SLC7A14: variants seen among roughly 807,000 people sequenced by gnomAD.
SLC7A14 encodes solute carrier family 7 member 14.
In SLC7A14, 37 loss-of-function variants were observed where a neutral mutation model predicts 60.2. The observed-to-expected ratio is 0.61, with a 90% CI of 0.47 to 0.81. The LOEUF is 0.81. SLC7A14 is among the 30% of genes least tolerant of loss of function. SLC7A14 has a pLI of 0.00. For synonymous variants in SLC7A14, 399 were observed against 395.8 expected (o/e 1.01, Z -0.10); for missense variants, 886 against 982.7 (o/e 0.90, Z 1.32).
rs1182342006 is a variant in SLC7A14, at chr3:170,465,080, CAT to C, written c.*1973_*1974del. 1 of 152,138 alleles carries C rather than the reference CAT, an allele frequency of 6.6e-6. No individual in the cohort carries two copies. The highest frequency in any genetic ancestry group is 1.5e-5 in the Non-Finnish European group (1 of 68,008). The allele number at this position is 152,138 out of a possible 1,614,324, so 9.4% of individuals were successfully genotyped here. A position where few individuals can be genotyped will look rare whatever the true frequency, so the allele number is the denominator to read the frequency against. On this transcript the variant is annotated 3_prime_UTR_variant, in exon 8 of 8. Transcript: ENST00000231706. ...ATGGTTAACTCTAGGGAAGAGAAAA[CAT>C]AGCATTGTCAAGCATGATATTAAAA... is the stretch of plus-strand genomic sequence containing the variant.
chr3:170,486,497 T>A, intron 4 of SLC7A14, 129 bp from the exon 5 acceptor site: 14 of 1,191,638 alleles, frequency 1.2e-5, no homozygotes, highest in Non-Finnish European at 1.7e-5. Context: ...ATGGTGGAAC[T>A]CGTGCTAAAC....
Position 170,480,874 on chromosome 3 carries a change from C to T in SLC7A14, c.1408G>A (p.Gly470Arg), listed in dbSNP as rs1194517708. Residue 470 changes from glycine (G) to arginine (R), a missense_variant, in exon 7 of 8, where the codon GGG becomes AGG. Gly to Arg is a moderately radical substitution (Grantham distance 125, BLOSUM62 -2). Coordinates refer to ENST00000231706, the MANE Select transcript of SLC7A14 (RefSeq NM_020949.3). ...EKEACSPVSE[G>R]DEFSGPATNT... ...GTGGCTGGGCCAGAAAACTCATCCC[C>T]CTCACTCACAGGAGAACAAGCTTCC... 2 of 1,614,044 alleles carry T rather than the reference C, an allele frequency of 1.2e-6. No individual in the cohort carries two copies. The highest frequency in any genetic ancestry group is 3.3e-5 in the Admixed American group (2 of 60,006).
intron 1 of SLC7A14, among the ~76,000 whole-genome samples, chr3:170,583,151 G>A (rs561904548): frequency 6.6e-6 from 1 of 152,116 alleles, no homozygotes; most frequent in African/African-American, 2.4e-5. Context: ...CCAATTTTGG[G>A]AAAATTATTT....
In SLC7A14 at chr3:170,568,036, G is replaced by T. The variant is rs373071472; in HGVS notation, c.-153+17875C>A. Among the ~76,000 whole-genome samples the T allele has an allele frequency of 5.9e-5, 9 of 151,994 alleles. No homozygotes were observed. In the East Asian group the frequency reaches 9.6e-4, roughly 16 times the overall value. On this transcript the variant is annotated intron_variant, in intron 1 of 7. Coordinates refer to ENST00000231706, the MANE Select transcript of SLC7A14 (RefSeq NM_020949.3). ...AATTAGATCCCACTTGTCAATTTTG[G>T]CTTTTGTTGCCATTGCTTTTGGTGT...
rs55850380 is a variant in SLC7A14 at position 170,533,650 on chromosome 3, AGTGTGT to A, written c.-152-6568_-152-6563del. 2.2e-3 allele frequency among the ~76,000 whole-genome samples: 329 copies of A among 149,066 alleles called. 1 individual carries two copies. The highest frequency in any genetic ancestry group is 7.3e-3 in the African/African-American group (300 of 40,870). ...GAGATGTTTTTGATCCATCTGGCCCAGTGTGTGTGTGTGTGTGTGTGTGTGTGTGGT... is the reference window on the plus strand; with the variant it reads ...GAGATGTTTTTGATCCATCTGGCCCAGTGTGTGTGTGTGTGTGTGTGTGGT... On this transcript the variant is annotated intron_variant, in intron 1 of 7. Coordinates refer to ENST00000231706, the MANE Select transcript of SLC7A14 (RefSeq NM_020949.3).
At chr3:170,479,397 C>T (rs981276566) in intron 7 of SLC7A14, among the ~76,000 whole-genome samples, 11 of 152,212 alleles carry the variant, frequency 7.2e-5, no homozygotes. Context: ...CAAGTTCTTA[C>T]TAGCATCAAT....
intron 1 of SLC7A14, among the ~76,000 whole-genome samples, chr3:170,568,591 T>C (rs1386149342): frequency 6.6e-6 from 1 of 152,200 alleles, no homozygotes; most frequent in Non-Finnish European, 1.5e-5. Flanking sequence ...ATCTATAAAT[T>C]ACCTTGGGCA....
intron 2 of SLC7A14, among the ~76,000 whole-genome samples, chr3:170,521,409 G>A (rs1440478892): frequency 6.6e-6 from 1 of 152,172 alleles, no homozygotes; most frequent in Non-Finnish European, 1.5e-5. Flanking sequence ...GAATTCCCTG[G>A]GGAACTTTAA....
intron 1 of SLC7A14, among the ~76,000 whole-genome samples, chr3:170,541,202 G>A (rs1422345230): frequency 1.3e-5 from 2 of 152,220 alleles, no homozygotes; most frequent in African/African-American, 4.8e-5. Flanking sequence ...AGTGGTAAAA[G>A]TTGGAGACAA....
chr3:170,540,311 G>A (rs1713981026), intron 1 of SLC7A14, among the ~76,000 whole-genome samples: 1 of 152,138 alleles, frequency 6.6e-6, no homozygotes. Context: ...TTAAAATTTA[G>A]TTAGGTTTAG....
chr3:170,501,472 T>A, intron 2 of SLC7A14, 127 bp from the exon 3 acceptor site: 1 of 762,548 alleles, frequency 1.3e-6, no homozygotes, highest in Non-Finnish European at 2.2e-6. Flanking sequence ...AAGTTTTATG[T>A]ATATGAATCG....
Position 170,478,796 on chromosome 3 carries a change from T to C in SLC7A14, c.1993+1493A>G, listed in dbSNP as rs368513545. Reference sequence around the variant, plus strand: ...ACATGTTGAACAAGTGTATTCCTGATCTCTAGGAGTGGATGCACTGCCACT... The same window carrying C: ...ACATGTTGAACAAGTGTATTCCTGACCTCTAGGAGTGGATGCACTGCCACT... On this transcript the variant is annotated intron_variant, in intron 7 of 7. Coordinates refer to ENST00000231706, the MANE Select transcript of SLC7A14 (RefSeq NM_020949.3). 1.2e-3 allele frequency among the ~76,000 whole-genome samples: 177 copies of C among 152,286 alleles called. 2 individuals are homozygous for C. In the South Asian group the frequency reaches 0.035, roughly 30 times the overall value.
chr3:170,505,607 C>T (rs773918005), intron 2 of SLC7A14, among the ~76,000 whole-genome samples: 3 of 152,158 alleles, frequency 2.0e-5, no homozygotes, highest in South Asian at 2.1e-4. Flanking sequence ...GATCAATGGC[C>T]GGGCGCGGTG....
At chr3:170,546,729 A>G (rs1714190270) in intron 1 of SLC7A14, among the ~76,000 whole-genome samples, 1 of 152,146 alleles carries the variant, frequency 6.6e-6, no homozygotes, top group South Asian at 2.1e-4. Flanking sequence ...GGCCCTTCAT[A>G]CTGATGGACA....
Position 170,466,975 on chromosome 3 carries a change from A to G in SLC7A14, c.*80T>C. 7.6e-7 allele frequency: 1 copy of G among 1,308,094 alleles called. No homozygotes were observed. Among genetic ancestry groups the G allele is most frequent in the South Asian group, 1.4e-5 (1 of 70,288 alleles). The allele number at this position is 1,308,094 out of a possible 1,614,324, so 81.0% of individuals were successfully genotyped here. A position where few individuals can be genotyped will look rare whatever the true frequency, so the allele number is the denominator to read the frequency against. ...GGCTGGATTTGTGAAATGAGAGCCAAAAAAGTTTTCACCTTCTAGCCCACA... is the reference window on the plus strand; with the variant it reads ...GGCTGGATTTGTGAAATGAGAGCCAGAAAAGTTTTCACCTTCTAGCCCACA... On this transcript the variant is annotated 3_prime_UTR_variant, in exon 8 of 8. Coordinates refer to ENST00000231706, the MANE Select transcript of SLC7A14 (RefSeq NM_020949.3).
chr3:170,553,850 T>C (rs932150231), intron 1 of SLC7A14, among the ~76,000 whole-genome samples: 22 of 111,862 alleles, frequency 2.0e-4, no homozygotes, highest in African/African-American at 6.1e-4. Context: ...TTAAAAAAAC[T>C]TTTTTTTTTT....
chr3:170,542,714 C>G (rs1353459117), intron 1 of SLC7A14, among the ~76,000 whole-genome samples: 1 of 152,182 alleles, frequency 6.6e-6, no homozygotes, highest in Admixed American at 6.5e-5. Context: ...TTGACGGTGA[C>G]CTCATATCAT....
At chr3:170,472,408 T>C (rs1577493014) in intron 7 of SLC7A14, among the ~76,000 whole-genome samples, 1 of 150,806 alleles carries the variant, frequency 6.6e-6, no homozygotes, top group African/African-American at 2.4e-5. Context: ...CAGACATGGT[T>C]GGACTGGGGC....
rs1417773118 is a variant in SLC7A14, at chr3:170,481,012, C to G, written c.1270G>C (p.Val424Leu). The part of the protein sequence containing the change: ...GTLLAYTLVS[V>L]CVLLLRYQPE... ...TGGTATCGAAGGAGCAAGACACAGACAGAGACCAAGGTGTAGGCCAGGAGC... is the reference window on the plus strand; with the variant it reads ...TGGTATCGAAGGAGCAAGACACAGAGAGAGACCAAGGTGTAGGCCAGGAGC... Residue 424 changes from valine (V) to leucine (L), a missense_variant, in exon 7 of 8, where the codon GTC becomes CTC. Coordinates refer to ENST00000231706, the MANE Select transcript of SLC7A14 (RefSeq NM_020949.3). 6.2e-7 allele frequency: 1 copy of G among 1,614,156 alleles called. No homozygotes were observed. The highest frequency in any genetic ancestry group is 1.7e-5 in the Admixed American group (1 of 60,018).
Sources: allele counts gnomAD v4.1 joint callset (sites outside exome capture counted in the v4.1 genomes callset), GRCh38; gene constraint gnomAD v4.1.1; transcripts MANE v1.5; gene names NCBI Gene and HGNC (gene_info 2026-07-23, HGNC 2026-07-21).